Variants in ADGRB3 observed in about 807,000 individuals in gnomAD.
ADGRB3 encodes brain-specific angiogenesis inhibitor 3.
Under a neutral mutation model 193.4 loss-of-function variants are expected in ADGRB3, and 37 were observed. That is an observed-to-expected ratio of 0.19 (90% confidence interval 0.15 to 0.25). The LOEUF is 0.25. Ranked by LOEUF, ADGRB3 falls within the 10% of genes least tolerant of loss-of-function variation. The pLI, the probability that ADGRB3 is intolerant of heterozygous loss-of-function variation, is 1.00. For synonymous variants in ADGRB3, 690 were observed against 644.2 expected, an observed-to-expected ratio of 1.07 and a Z score of -1.08; for missense variants, 1,637 against 1,852.9, an observed-to-expected ratio of 0.88 and a Z score of 2.14.
intron 3 of ADGRB3, among the ~76,000 whole-genome samples, chr6:68,885,829 C>G (rs1313577426): frequency 6.6e-6 from 1 of 152,022 alleles, no homozygotes; most frequent in East Asian, 1.9e-4. Flanking sequence ...CAGGGAAAAC[C>G]TGACAAAGGG....
chr6:68,903,991 T>TAA (rs1766468420), intron 3 of ADGRB3, among the ~76,000 whole-genome samples: 1 of 48,024 alleles, frequency 2.1e-5, no homozygotes, highest in Non-Finnish European at 4.1e-5. Flanking sequence ...CAAGACAATA[T>TAA]GAAAAAAAAA....
chr6:68,828,237 T>C (rs1767886961), intron 3 of ADGRB3, among the ~76,000 whole-genome samples: 1 of 152,196 alleles, frequency 6.6e-6, no homozygotes, highest in African/African-American at 2.4e-5. Context: ...TTAAGAAGGT[T>C]ATTGCCATAA....
intron 3 of ADGRB3, among the ~76,000 whole-genome samples, chr6:68,747,871 A>T (rs1766115259): frequency 6.6e-6 from 1 of 152,150 alleles, no homozygotes; most frequent in Non-Finnish European, 1.5e-5. Flanking sequence ...GAAGAAAAAG[A>T]GGTTTAATTG....
intron 3 of ADGRB3, among the ~76,000 whole-genome samples, chr6:68,655,039 T>A (rs1285109095): frequency 3.3e-5 from 5 of 151,478 alleles, no homozygotes; most frequent in African/African-American, 1.2e-4. Flanking sequence ...ATATTATGTA[T>A]TAATAAATTA....
intron 17 of ADGRB3, among the ~76,000 whole-genome samples, chr6:69,106,959 C>T (rs2150323983): frequency 6.6e-6 from 1 of 152,264 alleles, no homozygotes; most frequent in East Asian, 1.9e-4. Flanking sequence ...AATTTTGGAC[C>T]AGTGCCGTTA....
chr6:69,035,387 T>C (rs1213033735), intron 13 of ADGRB3, among the ~76,000 whole-genome samples: 6 of 152,070 alleles, frequency 3.9e-5, no homozygotes, highest in African/African-American at 1.4e-4. Flanking sequence ...TGTTTTATTT[T>C]AGTAAGATGA....
chr6:69,246,140 TCTTTTTTCTTC>T (rs1460063124), intron 20 of ADGRB3, among the ~76,000 whole-genome samples: 10 of 152,230 alleles, frequency 6.6e-5, no homozygotes, highest in Admixed American at 5.9e-4. Flanking sequence ...CAAAAGTTAA[TCTTTTTTCTTC>T]ATAAGAATAT....
chr6:69,322,331 T>C (rs1017313802), intron 20 of ADGRB3, among the ~76,000 whole-genome samples: 1 of 151,982 alleles, frequency 6.6e-6, no homozygotes, highest in Non-Finnish European at 1.5e-5. Context: ...AATGTGTCTT[T>C]ATAATAGAAA....
At chr6:69,074,549 T>G (rs915181258) in intron 16 of ADGRB3, among the ~76,000 whole-genome samples, 1 of 149,828 alleles carries the variant, frequency 6.7e-6, no homozygotes, top group Non-Finnish European at 1.5e-5. Flanking sequence ...TTTTTTTTTT[T>G]TTTTTTTTTG....
At position 69,028,331 on chromosome 6, in the gene ADGRB3, GTTT is replaced by G. The variant is rs532671891; in HGVS notation, c.2107+9837_2107+9839del. Among the ~76,000 whole-genome samples the G allele has an allele frequency of 2.0e-5, 3 of 152,156 alleles. No homozygotes were observed. In the South Asian group the frequency reaches 6.2e-4, roughly 32 times the overall value. On this transcript the variant is annotated intron_variant, in intron 13 of 31. Transcript: ENST00000370598. The stretch of plus-strand genomic sequence containing the variant: ...TCCATTCTTTTGAAAGCTGTTTTCG[GTTT>G]TTTTGTTTGTTTGTTTTTGTTTTTA...
At chr6:68,673,355 G>T (rs1451724079) in intron 3 of ADGRB3, among the ~76,000 whole-genome samples, 3 of 151,962 alleles carry the variant, frequency 2.0e-5, no homozygotes, top group Non-Finnish European at 4.4e-5. Flanking sequence ...AATTACTATT[G>T]CCATTTAACA....
At chr6:68,756,686 G>T (rs1187902034) in intron 3 of ADGRB3, among the ~76,000 whole-genome samples, 1 of 152,096 alleles carries the variant, frequency 6.6e-6, no homozygotes, top group East Asian at 1.9e-4. Flanking sequence ...TTATCATACA[G>T]CCTCCAATGT....
In ADGRB3 at chr6:69,361,189, A is replaced by C. The variant is rs2127332471; in HGVS notation, c.3916A>C (p.Ser1306Arg). 1.9e-6 allele frequency: 3 copies of C among 1,612,754 alleles called. No homozygotes were observed. Among genetic ancestry groups the C allele is most frequent in the South Asian group, 1.1e-5 (1 of 91,066 alleles). ...CCATCCTCAAGAAAGAATGATGGAA[A>C]GTGACTATATTGTGATGCCCAGAAG... Reference protein sequence around the residue: ...IVHPQERMMESDYIVMPRSSV... With the variant: ...IVHPQERMMERDYIVMPRSSV... Residue 1306 changes from serine to arginine, a missense_variant, in exon 29 of 32, where the codon AGT becomes CGT. By Grantham distance (110) the Ser-to-Arg change is moderately radical. Coordinates refer to ENST00000370598, the MANE Select transcript of ADGRB3 (RefSeq NM_001704.3).
chr6:68,775,251 G>A (rs1426244119), intron 3 of ADGRB3, among the ~76,000 whole-genome samples: 1 of 151,712 alleles, frequency 6.6e-6, no homozygotes, highest in Admixed American at 6.6e-5. Context: ...GTCAATGGGA[G>A]TCAAGATGAA....
intron 17 of ADGRB3, among the ~76,000 whole-genome samples, chr6:69,161,308 T>C (rs1774979448): frequency 6.6e-6 from 1 of 152,026 alleles, no homozygotes; most frequent in Admixed American, 6.6e-5. Flanking sequence ...CTGCTGAAAT[T>C]GGTTGGAATG....
intron 3 of ADGRB3, among the ~76,000 whole-genome samples, chr6:68,735,887 A>G (rs890534508): frequency 2.0e-5 from 3 of 152,184 alleles, no homozygotes; most frequent in Non-Finnish European, 4.4e-5. Flanking sequence ...CAGTCTTTAT[A>G]GAGCAGCAAT....
intron 3 of ADGRB3, among the ~76,000 whole-genome samples, chr6:68,884,216 T>G (rs1765833993): frequency 6.6e-6 from 1 of 152,204 alleles, no homozygotes; most frequent in Non-Finnish European, 1.5e-5. Flanking sequence ...AGGTACTTTA[T>G]GAGCACTTCG....
chr6:69,099,337 C>A (rs1479968446), intron 17 of ADGRB3, among the ~76,000 whole-genome samples: 3 of 152,230 alleles, frequency 2.0e-5, no homozygotes, highest in Non-Finnish European at 2.9e-5. Context: ...GTATCAGCTT[C>A]TGTTCTGATT....
chr6:68,952,297 T>A (rs960600853), intron 6 of ADGRB3, among the ~76,000 whole-genome samples: 3 of 152,144 alleles, frequency 2.0e-5, no homozygotes, highest in Non-Finnish European at 2.9e-5. Flanking sequence ...CAATGTCTCA[T>A]ATTTGACACT....
Sources: gnomAD v4.1 joint callset for allele counts (sites outside exome capture counted in the v4.1 genomes callset) on GRCh38, gnomAD v4.1.1 for gene constraint, MANE v1.5 for transcripts, NCBI Gene and HGNC (gene_info 2026-07-23, HGNC 2026-07-21) for gene names.